SCAF8: variants seen among roughly 807,000 people sequenced by gnomAD.
SCAF8 encodes the protein SR-related CTD associated factor 8.
Under a neutral mutation model 140.5 loss-of-function variants are expected in SCAF8, and 23 were observed. That is an observed-to-expected ratio of 0.16 (90% CI 0.12 to 0.23). The LOEUF (loss-of-function observed/expected upper bound fraction) is 0.23, where lower values mean the gene tolerates loss of function less well. SCAF8 is among the 10% of genes least tolerant of loss of function. SCAF8 has a pLI of 1.00. For synonymous variants in SCAF8, 575 were observed against 528.9 expected (o/e 1.09, Z -1.20); for missense variants, 1,397 against 1,555.7 (o/e 0.90, Z 1.72).
intron 5 of SCAF8, 21 bp from the exon 6 acceptor site, chr6:154,794,988 G>C: frequency 6.4e-7 from 1 of 1,573,788 alleles, no homozygotes; most frequent in Non-Finnish European, 8.6e-7. Flanking sequence ...TATTTGGGGG[G>C]TGTGATGTTC....
chr6:154,809,457 G>A (rs1778022827), intron 11 of SCAF8, among the ~76,000 whole-genome samples: 1 of 152,074 alleles, frequency 6.6e-6, no homozygotes, highest in Non-Finnish European at 1.5e-5. Flanking sequence ...GCGTATCACT[G>A]AATTATTTTC....
At chr6:154,763,884 A>G (rs1016894908) in intron 1 of SCAF8, among the ~76,000 whole-genome samples, 7 of 152,192 alleles carry the variant, frequency 4.6e-5, no homozygotes, top group African/African-American at 1.7e-4. Context: ...TCTTGCTACA[A>G]AGGGCAGAGC....
intron 12 of SCAF8, among the ~76,000 whole-genome samples, chr6:154,814,839 A>C (rs965889044): frequency 1.3e-5 from 2 of 152,202 alleles, no homozygotes; most frequent in African/African-American, 4.8e-5. Context: ...TCAACAGTTA[A>C]GTATCTTTAA....
intron 1 of SCAF8, among the ~76,000 whole-genome samples, chr6:154,764,502 A>G (rs773394197): frequency 1.3e-5 from 2 of 152,184 alleles, no homozygotes; most frequent in Non-Finnish European, 2.9e-5. Flanking sequence ...TTCATTTAGG[A>G]AGCATTTAGG....
chr6:154,770,028 C>T (rs775106768), intron 1 of SCAF8, among the ~76,000 whole-genome samples: 4 of 152,038 alleles, frequency 2.6e-5, no homozygotes, highest in Admixed American at 2.0e-4. Flanking sequence ...GGTGAGAAGA[C>T]GGGCATACCG....
At chr6:154,796,389 C>CTG (rs10679817) in intron 6 of SCAF8, among the ~76,000 whole-genome samples, 1,763 of 141,046 alleles carry the variant, frequency 0.012, 42 homozygotes, top group African/African-American at 0.043. Flanking sequence ...CTCTCTCTCT[C>CTG]TCTGTCTCTC....
In SCAF8 at chr6:154,832,715, A is replaced by C. The variant is rs571067611; in HGVS notation, c.3136A>C (p.Arg1046=). Residue 1046 remains arginine (R), a synonymous_variant, in exon 20 of 20, where the codon AGA becomes CGA. Transcript: ENST00000367178. ...TGTGGTTGGGCGGCCTATAGATCCAAGAGAAGGTCCTGGACGGCCTCCACT... is the reference window on the plus strand; with the variant it reads ...TGTGGTTGGGCGGCCTATAGATCCACGAGAAGGTCCTGGACGGCCTCCACT... ...RDVVGRPIDP[R]EGPGRPPLDG... 3 of 1,613,998 alleles carry C rather than the reference A, an allele frequency of 1.9e-6. No individual in the cohort carries two copies. The South Asian group carries it at 3.3e-5, about 18-fold the overall frequency.
At chr6:154,759,198 C>A (rs1311146488) in intron 1 of SCAF8, among the ~76,000 whole-genome samples, 1 of 152,114 alleles carries the variant, frequency 6.6e-6, no homozygotes, top group East Asian at 1.9e-4. Context: ...AGCAAGGCCT[C>A]GTAGTTTGGT....
chr6:154,791,031 A>G (rs1189612952), intron 4 of SCAF8, among the ~76,000 whole-genome samples: 1 of 152,208 alleles, frequency 6.6e-6, no homozygotes, highest in Admixed American at 6.5e-5. Flanking sequence ...TTACTCTGAC[A>G]TAAGTGTTCT....
chr6:154,740,614 T>C (rs947067549), intron 1 of SCAF8, among the ~76,000 whole-genome samples: 3 of 120,042 alleles, frequency 2.5e-5, no homozygotes, highest in East Asian at 9.6e-4. Flanking sequence ...TTTCTTTTTC[T>C]TTTTCTTTTT....
At chr6:154,779,015 G>C (rs1777004261) in intron 3 of SCAF8, among the ~76,000 whole-genome samples, 1 of 151,916 alleles carries the variant, frequency 6.6e-6, no homozygotes, top group Admixed American at 6.6e-5. Context: ...GTCTGGTTTT[G>C]TTTTGTTTTG....
Position 154,808,014 on chromosome 6 carries a change from C to G in SCAF8, c.982-56C>G, listed in dbSNP as rs1456079702. Reference sequence around the variant, plus strand: ...GTGATGTTTGCTGTGTTTACATTTTCATTCATAACAAAAAGTATCTCCCAA... The same window carrying G: ...GTGATGTTTGCTGTGTTTACATTTTGATTCATAACAAAAAGTATCTCCCAA... On this transcript the variant is annotated intron_variant, in intron 9 of 19. Transcript: ENST00000367178. 3 of 1,489,800 alleles carry G rather than the reference C, an allele frequency of 2.0e-6. No individual in the cohort carries two copies. The African/African-American group carries it at 4.2e-5, about 21-fold the overall frequency. The allele number at this position is 1,489,800 out of a possible 1,614,324, so 92.3% of individuals were successfully genotyped here. A position where few individuals can be genotyped will look rare whatever the true frequency, so the allele number is the denominator to read the frequency against.
At chr6:154,773,189 C>T (rs1166699759) in intron 1 of SCAF8, among the ~76,000 whole-genome samples, 1 of 152,186 alleles carries the variant, frequency 6.6e-6, no homozygotes, top group Non-Finnish European at 1.5e-5. Flanking sequence ...ATCATCCCAA[C>T]AAGAAACACT....
chr6:154,753,512 G>A (rs976140205), intron 1 of SCAF8, among the ~76,000 whole-genome samples: 5 of 149,632 alleles, frequency 3.3e-5, no homozygotes, highest in South Asian at 2.1e-4. Context: ...AGTGGCGGGC[G>A]CCTGTAATTC....
At chr6:154,759,144 C>G (rs893129875) in intron 1 of SCAF8, among the ~76,000 whole-genome samples, 2 of 152,078 alleles carry the variant, frequency 1.3e-5, no homozygotes, top group African/African-American at 4.8e-5. Context: ...CAGGTAGTTG[C>G]TTTTTGTCTT....
intron 13 of SCAF8, among the ~76,000 whole-genome samples, chr6:154,816,510 G>A (rs574940414): frequency 1.9e-3 from 163 of 87,456 alleles, no homozygotes; most frequent in African/African-American, 0.012. Context: ...TAAAAATTAC[G>A]TGCTGTCTTT....
chr6:154,792,124 C>A (rs1777437929), intron 4 of SCAF8, among the ~76,000 whole-genome samples: 1 of 151,580 alleles, frequency 6.6e-6, no homozygotes, highest in Non-Finnish European at 1.5e-5. Flanking sequence ...TTAAGTAATG[C>A]CAGTATGACA....
Position 154,822,778 on chromosome 6 carries a change from AAT to A in SCAF8, c.1926+372_1926+373del, listed in dbSNP as rs539673421. On this transcript the variant is annotated intron_variant, in intron 16 of 19. Transcript: ENST00000367178. ...TTAGAAATGATGTCATTCATATTTAAATATGTTTGTTTATTGAACAAATATTT... is the reference window on the plus strand; with the variant it reads ...TTAGAAATGATGTCATTCATATTTAAATGTTTGTTTATTGAACAAATATTT... 1.2e-4 allele frequency among the ~76,000 whole-genome samples: 19 copies of A among 152,318 alleles called. No homozygotes were observed. The East Asian group carries it at 2.9e-3, about 23-fold the overall frequency.
chr6:154,813,707 A>G (rs1352721745), intron 12 of SCAF8, among the ~76,000 whole-genome samples: 1 of 152,202 alleles, frequency 6.6e-6, no homozygotes, highest in African/African-American at 2.4e-5. Flanking sequence ...ATTAAAGATC[A>G]TGAGGTGGGG....
Sources: allele counts gnomAD v4.1 joint callset (sites outside exome capture counted in the v4.1 genomes callset), GRCh38; gene constraint gnomAD v4.1.1; transcripts MANE v1.5; gene names NCBI Gene and HGNC (gene_info 2026-07-23, HGNC 2026-07-21).